Variants in FAM3B observed in about 807,000 individuals in gnomAD.
FAM3B encodes the protein protein FAM3B.
In FAM3B, 29 loss-of-function variants were observed where a neutral mutation model predicts 28.4. The ratio of observed to expected loss-of-function variants is 1.02; its 90% confidence interval spans 0.76 to 1.39. The LOEUF is 1.39. Ranked by LOEUF, FAM3B falls within the 40% of genes most tolerant of loss-of-function variation. The pLI is 0.00. For missense variants in FAM3B, 266 were observed against 293.9 expected (o/e 0.91, Z 0.69); for synonymous variants, 91 against 103.0 (o/e 0.88, Z 0.71).
chr21:41,312,700 T>C (rs938751733), upstream of FAM3B, among the ~76,000 whole-genome samples: 8 of 151,254 alleles, frequency 5.3e-5, no homozygotes, highest in Non-Finnish European at 1.0e-4. Context: ...AAAGCCATTC[T>C]GGGTCTCACT....
Position 41,322,547 on chromosome 21 carries a change from T to C in FAM3B, c.20-376T>C, listed in dbSNP as rs1206012529. On this transcript the variant is annotated intron_variant, in intron 1 of 7. Transcript: ENST00000357985. Reference sequence around the variant, plus strand: ...ATTGCAGGAGCGTGCTCAAATCCAGTTGTGTCTCACAAAGGGAATGAGGCG... The same window carrying C: ...ATTGCAGGAGCGTGCTCAAATCCAGCTGTGTCTCACAAAGGGAATGAGGCG... 5.6e-6 allele frequency: 4 copies of C among 713,228 alleles called. No individual in the cohort carries two copies. The Admixed American group carries it at 6.0e-5, about 11-fold the overall frequency. 44.2% of individuals were successfully genotyped at this position (713,228 alleles called of 1,614,324 possible). A position where few individuals can be genotyped will look rare whatever the true frequency, so the allele number is the denominator to read the frequency against.
intron 3 of FAM3B, among the ~76,000 whole-genome samples, chr21:41,339,444 C>G (rs765565572): frequency 2.2e-4 from 33 of 152,182 alleles, no homozygotes; most frequent in Non-Finnish European, 4.6e-4. Context: ...GATCTAGACA[C>G]TCATGGGCCC....
At chr21:41,352,103 G>C (rs1312618264) in intron 7 of FAM3B, among the ~76,000 whole-genome samples, 1 of 152,182 alleles carries the variant, frequency 6.6e-6, no homozygotes, top group African/African-American at 2.4e-5. Flanking sequence ...CCTAACTGGA[G>C]CACAGACCCT....
chr21:41,317,711 T>A (rs1281229530), intron 1 of FAM3B, among the ~76,000 whole-genome samples: 1 of 152,142 alleles, frequency 6.6e-6, no homozygotes, highest in Non-Finnish European at 1.5e-5. Flanking sequence ...CACTTCCTGG[T>A]CCTGGATCCC....
chr21:41,341,701 A>C (rs2089008653), intron 3 of FAM3B, among the ~76,000 whole-genome samples: 1 of 152,236 alleles, frequency 6.6e-6, no homozygotes, highest in Non-Finnish European at 1.5e-5. Context: ...ACTGCATTGC[A>C]TGAATATGTT....
At chr21:41,343,071 T>A (rs2089022193) in intron 3 of FAM3B, among the ~76,000 whole-genome samples, 1 of 152,220 alleles carries the variant, frequency 6.6e-6, no homozygotes, top group Non-Finnish European at 1.5e-5. Context: ...AAGCTCTGAT[T>A]TTTTTCTGGT....
chr21:41,339,064 T>G lies in FAM3B; in HGVS notation c.287+563T>G, dbSNP rs553735293. 1.8e-4 allele frequency among the ~76,000 whole-genome samples: 28 copies of G among 152,280 alleles called. 1 individual carries two copies. In the Middle Eastern group the frequency reaches 0.014, roughly 74 times the overall value. Reference sequence around the variant, plus strand: ...CCTCACCTTCCTGGATTAAAGCAGGTGTTGTTTCTGTTTGCAGTCCATACT... The same window carrying G: ...CCTCACCTTCCTGGATTAAAGCAGGGGTTGTTTCTGTTTGCAGTCCATACT... On this transcript the variant is annotated intron_variant, in intron 3 of 7. Coordinates refer to ENST00000357985, the MANE Select transcript of FAM3B (RefSeq NM_058186.4).
intron 3 of FAM3B, among the ~76,000 whole-genome samples, chr21:41,340,008 A>G (rs1056679181): frequency 1.3e-5 from 2 of 152,170 alleles, no homozygotes; most frequent in Non-Finnish European, 1.5e-5. Context: ...TTGAGAATCA[A>G]TAGGAGATGG....
Position 41,338,027 on chromosome 21 carries a change from C to G in FAM3B, c.164-351C>G, listed in dbSNP as rs568826423. ...AGATGGCTGTCTTTGCTCACCAGCT[C>G]TCTTAGACCCCTGTAATCTTTCTTT... On this transcript the variant is annotated intron_variant, in intron 2 of 7. Coordinates refer to ENST00000357985, the MANE Select transcript of FAM3B (RefSeq NM_058186.4). 3.0e-4 allele frequency among the ~76,000 whole-genome samples: 46 copies of G among 152,148 alleles called. No individual in the cohort carries two copies. In the Middle Eastern group the frequency reaches 0.01, roughly 34 times the overall value.
intron 3 of FAM3B, among the ~76,000 whole-genome samples, chr21:41,338,845 T>C (rs1292917860): frequency 6.6e-6 from 1 of 152,216 alleles, no homozygotes; most frequent in Non-Finnish European, 1.5e-5. Flanking sequence ...TCAGTATTGA[T>C]GCAGTGAAAG....
At chr21:41,338,300 T>G in intron 2 of FAM3B, 78 bp from the exon 3 acceptor site, 1 of 1,553,800 alleles carries the variant, frequency 6.4e-7, no homozygotes. Flanking sequence ...GAAGTGCTGG[T>G]GTTCTCCGCC....
chr21:41,314,157 A>G (rs939111702), upstream of FAM3B, among the ~76,000 whole-genome samples: 2 of 152,228 alleles, frequency 1.3e-5, no homozygotes, highest in South Asian at 2.1e-4. Flanking sequence ...TTCTAAGAAG[A>G]AACACCAGAG....
rs1682929793 is a variant in FAM3B at position 41,319,239 on chromosome 21, G to A, written c.19+2341G>A. On this transcript the variant is annotated intron_variant, in intron 1 of 7. Transcript: ENST00000357985. ...CAGCCAGGACCCTCCTGAGACCCCT[G>A]TGGATCTGAGAGTGGGGATTGGCTG... 2.0e-5 allele frequency among the ~76,000 whole-genome samples: 3 copies of A among 152,146 alleles called. No homozygotes were observed. In the South Asian group the frequency reaches 6.2e-4, roughly 31 times the overall value.
In FAM3B at chr21:41,325,791, G is replaced by A. The variant is rs149806499; in HGVS notation, c.163+2725G>A. On this transcript the variant is annotated intron_variant, in intron 2 of 7. Coordinates refer to ENST00000357985, the MANE Select transcript of FAM3B (RefSeq NM_058186.4). ...ATTCCTGTGGTTACAGCATATCTGGGGAAAGCCACCAGGAGAGTCCGGACG... is the reference window on the plus strand; with the variant it reads ...ATTCCTGTGGTTACAGCATATCTGGAGAAAGCCACCAGGAGAGTCCGGACG... 7.2e-3 allele frequency among the ~76,000 whole-genome samples: 1,098 copies of A among 152,266 alleles called. 14 individuals are homozygous for A. Among genetic ancestry groups the A allele is most frequent in the African/African-American group, 0.024 (1,010 of 41,544 alleles).
intron 3 of FAM3B, among the ~76,000 whole-genome samples, chr21:41,343,347 T>G (rs1324730630): frequency 6.6e-6 from 1 of 152,220 alleles, no homozygotes; most frequent in Non-Finnish European, 1.5e-5. Flanking sequence ...CCTTATTTGG[T>G]CTCTAACGTA....
chr21:41,349,603 T>C (rs1303842998), intron 7 of FAM3B, among the ~76,000 whole-genome samples: 2 of 152,186 alleles, frequency 1.3e-5, no homozygotes, highest in Non-Finnish European at 2.9e-5. Flanking sequence ...CCTTGTGCTG[T>C]GGATACGGGT....
upstream of FAM3B, among the ~76,000 whole-genome samples, chr21:41,312,260 AATCTTTCC>A (rs2088719375): frequency 6.6e-6 from 1 of 152,218 alleles, no homozygotes; most frequent in Non-Finnish European, 1.5e-5. Context: ...ACTTTGAATG[AATCTTTCC>A]CCCTCTAATG....
chr21:41,350,884 C>T (rs888911386), intron 7 of FAM3B, among the ~76,000 whole-genome samples: 1 of 152,228 alleles, frequency 6.6e-6, no homozygotes, highest in Non-Finnish European at 1.5e-5. Flanking sequence ...TCTCCAGGGG[C>T]CTTGTCCCAC....
intron 3 of FAM3B, among the ~76,000 whole-genome samples, chr21:41,343,059 A>G (rs2089022101): frequency 6.6e-6 from 1 of 152,232 alleles, no homozygotes; most frequent in Non-Finnish European, 1.5e-5. Context: ...TGAAGTTTAT[A>G]CAAGCTCTGA....
Sources: gnomAD v4.1 joint callset for allele counts (sites outside exome capture counted in the v4.1 genomes callset) on GRCh38, gnomAD v4.1.1 for gene constraint, MANE v1.5 for transcripts, NCBI Gene and HGNC (gene_info 2026-07-23, HGNC 2026-07-21) for gene names.